C16orf86: variants seen among roughly 807,000 people sequenced by gnomAD.
The protein encoded by C16orf86 is chromosome 16 open reading frame 86.
Under a neutral mutation model 21.5 loss-of-function variants are expected in C16orf86, and 19 were observed. The observed-to-expected ratio is 0.88, with a 90% CI of 0.62 to 1.30. The LOEUF (loss-of-function observed/expected upper bound fraction) is 1.30, where lower values mean the gene tolerates loss of function less well. C16orf86 is among the 50% of genes most tolerant of loss of function. The pLI, the probability that C16orf86 is intolerant of heterozygous loss-of-function variation, is 0.00. For synonymous variants in C16orf86, 188 were observed against 183.5 expected (o/e 1.02, Z -0.20); for missense variants, 391 against 415.8 (o/e 0.94, Z 0.52).
chr16:67,668,458 G>A lies in C16orf86; in HGVS notation c.812G>A (p.Gly271Glu). ...HALAPLGEEA[G>E]EEPGGLPSLG... is the part of the protein sequence containing the mutation. ...CTGGCTCCCCTCGGAGAGGAGGCTGGAGAGGAGCCTGGGGGCTTGCCCAGC... is the reference window on the plus strand; with the variant it reads ...CTGGCTCCCCTCGGAGAGGAGGCTGAAGAGGAGCCTGGGGGCTTGCCCAGC... The change falls in exon 4 of 4, where the codon GGA (glycine) becomes GAA (glutamate). Residue 271 changes from glycine (G) to glutamate (E), a missense_variant. Physicochemically the swap from Gly to Glu is moderately conservative, Grantham distance 98 (BLOSUM62 -2). Coordinates refer to ENST00000403458, the MANE Select transcript of C16orf86 (RefSeq NM_001012984.3). 1 of 1,612,588 alleles carries A rather than the reference G, an allele frequency of 6.2e-7. No homozygotes were observed. Among genetic ancestry groups the A allele is most frequent in the Middle Eastern group, 1.7e-4 (1 of 6,058 alleles).
chr16:67,668,469 G>C lies in C16orf86; in HGVS notation c.823G>C (p.Gly275Arg). The C allele has an allele frequency of 6.2e-7, 1 of 1,613,000 alleles. No individual in the cohort carries two copies. The highest frequency in any genetic ancestry group is 8.5e-7 in the Non-Finnish European group (1 of 1,179,748). Residue 275 changes from glycine to arginine, a missense_variant, in exon 4 of 4, where the codon GGG (glycine) becomes CGG (arginine). Transcript: ENST00000403458. ...CGGAGAGGAGGCTGGAGAGGAGCCT[G>C]GGGGCTTGCCCAGCTTGGGGGTGAG... ...PLGEEAGEEP[G>R]GLPSLGVSDH... is the part of the protein sequence containing the mutation.
chr16:67,668,321 T>C lies in C16orf86; in HGVS notation c.675T>C (p.Val225=). Residue 225 remains valine (V), a synonymous_variant, in exon 4 of 4, where the codon GTT becomes GTC. Transcript: ENST00000403458. ...EVEAEAELAP[V]PEEGGVEQLQ... ...AGGCAGAGGCAGAGCTGGCCCCGGT[T>C]CCCGAGGAGGGAGGTGTGGAGCAAC... 6.2e-7 allele frequency: 1 copy of C among 1,612,712 alleles called. No homozygotes were observed. The highest frequency in any genetic ancestry group is 2.2e-5 in the East Asian group (1 of 44,886).
rs1213965657 is a variant in C16orf86, at chr16:67,667,542, G to C, written c.332+17G>C. On this transcript the variant is annotated intron_variant, in intron 2 of 3. Transcript: ENST00000403458. ...GCCTGTCAAGTGAGGGGGCTCTCGG[G>C]GGGAAGGAGCTGCAGCCCCGGGGTT... 3.2e-6 allele frequency: 5 copies of C among 1,586,192 alleles called. No homozygotes were observed. The highest frequency in any genetic ancestry group is 4.3e-6 in the Non-Finnish European group (5 of 1,166,672).
In C16orf86 at chr16:67,666,867, G is replaced by T. The variant is rs2142988739; in HGVS notation, c.-104G>T. ...GTCGCCGGTTTCTCTTCCCAGCTCT[G>T]CCCTCGCTTGCTGGCCGGTCTCCGG... On this transcript the variant is annotated 5_prime_UTR_variant, in exon 1 of 4. Coordinates refer to ENST00000403458, the MANE Select transcript of C16orf86 (RefSeq NM_001012984.3). 1.3e-6 allele frequency: 1 copy of T among 752,548 alleles called. No homozygotes were observed. Among genetic ancestry groups the T allele is most frequent in the East Asian group, 3.1e-5 (1 of 31,936 alleles). 46.6% of individuals were successfully genotyped at this position (752,548 alleles called of 1,614,324 possible). A position where few individuals can be genotyped will look rare whatever the true frequency, so the allele number is the denominator to read the frequency against.
In C16orf86 at chr16:67,668,222, G is replaced by A. The variant is rs375761214; in HGVS notation, c.576G>A (p.Pro192=). Residue 192 remains proline (P), a synonymous_variant, in exon 4 of 4, where the codon CCG becomes CCA. Coordinates refer to ENST00000403458, the MANE Select transcript of C16orf86 (RefSeq NM_001012984.3). ...CAGGAAAGGCCCAGCGCCTGCGGCC[G>A]CTGTACCAGTACGTCAACTATTGCA... The part of the protein sequence containing the change: ...RLERKAQRLR[P]LYQYVNYCNP... The A allele has an allele frequency of 6.1e-5, 97 of 1,582,116 alleles. No homozygotes were observed. The highest frequency in any genetic ancestry group is 4.6e-4 in the Admixed American group (26 of 56,870).
In C16orf86 at chr16:67,667,529, A is replaced by G; in HGVS notation, c.332+4A>G. ...GTCCAAAGAGAAAGCCTGTCAAGTG[A>G]GGGGGCTCTCGGGGGGAAGGAGCTG... On this transcript the variant is annotated splice_donor_region_variant and intron_variant, in intron 2 of 3. Transcript: ENST00000403458. 1 of 1,596,136 alleles carries G rather than the reference A, an allele frequency of 6.3e-7. No individual in the cohort carries two copies. The highest frequency in any genetic ancestry group is 8.5e-7 in the Non-Finnish European group (1 of 1,171,736).
At position 67,667,991 on chromosome 16, in the gene C16orf86, C is replaced by A. The variant is rs560257393; in HGVS notation, c.446C>A (p.Ser149Tyr). 11 of 1,613,594 alleles carry A rather than the reference C, an allele frequency of 6.8e-6. No homozygotes were observed. In the South Asian group the frequency reaches 1.1e-4, roughly 16 times the overall value. Residue 149 changes from serine to tyrosine, a missense_variant, in exon 3 of 4, where the codon TCT (serine) becomes TAT (tyrosine). Physicochemically the swap from Ser to Tyr is moderately radical, Grantham distance 144. Transcript: ENST00000403458. ...PEDSQSEPSP[S>Y]AKQHKKAKKR... ...GACAGCCAGAGTGAGCCCTCACCAT[C>A]TGCCAAACAGCACAAAAAAGCCAAG...
chr16:67,667,361 C>CCAG lies in C16orf86; in HGVS notation c.170_172dup (p.Gln57dup). 1 of 1,612,680 alleles carries CCAG rather than the reference C, an allele frequency of 6.2e-7. No individual in the cohort carries two copies. Among genetic ancestry groups the CCAG allele is most frequent in the South Asian group, 1.1e-5 (1 of 91,090 alleles). On this transcript the variant is annotated inframe_insertion, in exon 2 of 4. Transcript: ENST00000403458. ...AGGCCCGCGGAACCCAGAGTGAAGA[C>CCAG]CAGCGCCCAGCAGGCGCAGCTTCGG...
chr16:67,668,418 A>AC lies in C16orf86; in HGVS notation c.777dup (p.Thr260HisfsTer25). 1 of 1,611,466 alleles carries AC rather than the reference A, an allele frequency of 6.2e-7. No individual in the cohort carries two copies. Among genetic ancestry groups the AC allele is most frequent in the Non-Finnish European group, 8.5e-7 (1 of 1,179,454 alleles). On this transcript the variant is annotated frameshift_variant, in exon 4 of 4. Transcript: ENST00000403458. LOFTEE classifies it high-confidence loss of function. ...TTTGCCCTGTCCCAGTCCACTAGTG[A>AC]CCCCCACCCATGCCCTGGCTCCCCT... is the stretch of plus-strand genomic sequence containing the variant.
chr16:67,667,710 T>C, intron 2 of C16orf86, 168 bp from the exon 3 acceptor site: 1 of 1,527,054 alleles, frequency 6.5e-7, no homozygotes, highest in Non-Finnish European at 8.8e-7. Context: ...TCAGGGCTTG[T>C]AGGGGCCTGG....
rs576372309 is a variant in C16orf86, at chr16:67,668,420, C to A, written c.774C>A (p.Thr258=). The stretch of plus-strand genomic sequence containing the variant: ...TGCCCTGTCCCAGTCCACTAGTGAC[C>A]CCCACCCATGCCCTGGCTCCCCTCG... ...LALPCPSPLV[T]PTHALAPLGE... is the part of the protein sequence containing the mutation. The change falls in exon 4 of 4, where the codon ACC becomes ACA. Residue 258 remains threonine, a synonymous_variant. Transcript: ENST00000403458. The A allele has an allele frequency of 1.1e-5, 18 of 1,612,596 alleles. No individual in the cohort carries two copies. Among genetic ancestry groups the A allele is most frequent in the East Asian group, 1.1e-4 (5 of 44,862 alleles).
rs201833463 is a variant in C16orf86, at chr16:67,668,039, C to T, written c.494C>T (p.Pro165Leu). The change falls in exon 3 of 4, where the codon CCC becomes CTC. Residue 165 changes from proline to leucine, a missense_variant. By Grantham distance (98) the Pro-to-Leu change is moderately conservative. Coordinates refer to ENST00000403458, the MANE Select transcript of C16orf86 (RefSeq NM_001012984.3). ...AAGAAGCGCAAGAGCCTGGGGGCTC[C>T]CGTGCTCCACGCTGTGGCCAGCATG... The part of the protein sequence containing the change: ...KAKKRKSLGA[P>L]VLHAVASMVS... 41 of 1,612,502 alleles carry T rather than the reference C, an allele frequency of 2.5e-5. No individual in the cohort carries two copies. The Admixed American group carries it at 6.7e-4, about 26-fold the overall frequency.
chr16:67,667,289 T>C lies in C16orf86; in HGVS notation c.103-7T>C. 1.2e-6 allele frequency: 2 copies of C among 1,612,428 alleles called. No individual in the cohort carries two copies. The highest frequency in any genetic ancestry group is 1.7e-6 in the Non-Finnish European group (2 of 1,179,578). Reference sequence around the variant, plus strand: ...ATGGTGACCGATGGCCTGTGTGTCATCTCTAGTGTCCAGTGGCGGGAGACC... The same window carrying C: ...ATGGTGACCGATGGCCTGTGTGTCACCTCTAGTGTCCAGTGGCGGGAGACC... On this transcript the variant is annotated splice_region_variant and splice_polypyrimidine_tract_variant and intron_variant, in intron 1 of 3. Transcript: ENST00000403458.
chr16:67,668,368 C>T lies in C16orf86; in HGVS notation c.722C>T (p.Ala241Val). The T allele has an allele frequency of 6.2e-7, 1 of 1,612,756 alleles. No individual in the cohort carries two copies. Among genetic ancestry groups the T allele is most frequent in the South Asian group, 1.1e-5 (1 of 91,068 alleles). Residue 241 changes from alanine (A) to valine (V), a missense_variant, in exon 4 of 4, where the codon GCA (alanine) becomes GTA (valine). Ala to Val is a moderately conservative substitution (Grantham distance 64). Transcript: ENST00000403458. ...CAACTGCAGGCCTTGCTGCCCTTGGCAGGTGAGCTGGGCCCAGGCCTCGCT... is the reference window on the plus strand; with the variant it reads ...CAACTGCAGGCCTTGCTGCCCTTGGTAGGTGAGCTGGGCCCAGGCCTCGCT... ...VEQLQALLPLAGELGPGLALP... is the reference protein window; with the variant it reads ...VEQLQALLPLVGELGPGLALP...
In C16orf86 at chr16:67,667,860, C is replaced by G; in HGVS notation, c.333-18C>G. On this transcript the variant is annotated intron_variant, in intron 2 of 3. Transcript: ENST00000403458. ...GCCAGGGCTGGAGCCTGGCTCAAGTCTCTTGTCCCTGGCTCAGGTCTCTCA... is the reference window on the plus strand; with the variant it reads ...GCCAGGGCTGGAGCCTGGCTCAAGTGTCTTGTCCCTGGCTCAGGTCTCTCA... 6.5e-7 allele frequency: 1 copy of G among 1,547,010 alleles called. No homozygotes were observed. The highest frequency in any genetic ancestry group is 8.7e-7 in the Non-Finnish European group (1 of 1,145,606).
rs962019740 is a variant in C16orf86 at position 67,668,689 on chromosome 16, C to T, written c.*89C>T. 3.5e-5 allele frequency: 41 copies of T among 1,182,170 alleles called. No individual in the cohort carries two copies. Among genetic ancestry groups the T allele is most frequent in the Non-Finnish European group, 4.0e-5 (33 of 816,700 alleles). 73.2% of individuals were successfully genotyped at this position (1,182,170 alleles called of 1,614,324 possible). On this transcript the variant is annotated 3_prime_UTR_variant, in exon 4 of 4. Coordinates refer to ENST00000403458, the MANE Select transcript of C16orf86 (RefSeq NM_001012984.3). The stretch of plus-strand genomic sequence containing the variant: ...GGCCTAGGCCCTCTGGTGGCGGGGG[C>T]AAATTTGGCACCTGCCCCCACTTGG...
intron 1 of C16orf86, 64 bp from the exon 2 acceptor site, chr16:67,667,232 C>A: frequency 6.6e-7 from 1 of 1,518,070 alleles, no homozygotes; most frequent in Non-Finnish European, 9.1e-7. Flanking sequence ...GTTAGGTGTT[C>A]AGTGACGGAT....
rs368421255 is a variant in C16orf86 at position 67,668,608 on chromosome 16, G to A, written c.*8G>A. 2.5e-5 allele frequency: 40 copies of A among 1,612,192 alleles called. No homozygotes were observed. Among genetic ancestry groups the A allele is most frequent in the African/African-American group, 4.0e-5 (3 of 74,896 alleles). On this transcript the variant is annotated 3_prime_UTR_variant, in exon 4 of 4. Coordinates refer to ENST00000403458, the MANE Select transcript of C16orf86 (RefSeq NM_001012984.3). ...TCTCCTCAGTACAAGTGACTGTCCC[G>A]CCCCACTGGTGGCTCCCCTCCTTCC...
At chr16:67,667,737 G>C (rs1419085072) in intron 2 of C16orf86, 141 bp from the exon 3 acceptor site, 2 of 1,516,008 alleles carry the variant, frequency 1.3e-6, no homozygotes, top group Non-Finnish European at 1.8e-6. Flanking sequence ...TGGCCTCTAA[G>C]CCTCTTGGGC....
Sources: allele counts gnomAD v4.1 joint callset, GRCh38; gene constraint gnomAD v4.1.1; transcripts MANE v1.5; gene names NCBI Gene and HGNC (gene_info 2026-07-23, HGNC 2026-07-21).